Variants in TBC1D21 observed in about 807,000 individuals in gnomAD.
TBC1D21 encodes the protein male germ cell Rab GTPase-activating protein.
A neutral mutation model predicts 46.0 loss-of-function variants in TBC1D21; 38 were observed. The observed-to-expected ratio is 0.83, with a 90% CI of 0.64 to 1.08. The LOEUF (loss-of-function observed/expected upper bound fraction) is 1.08. Ranked by LOEUF, TBC1D21 falls within the 50% of genes least tolerant of loss-of-function variation. The pLI, the probability that TBC1D21 is intolerant of heterozygous loss-of-function variation, is 0.00. For synonymous variants in TBC1D21, 151 were observed against 157.2 expected, an observed-to-expected ratio of 0.96 and a Z score of 0.29; for missense variants, 415 against 417.9, an observed-to-expected ratio of 0.99 and a Z score of 0.06.
chr15:73,895,611 A>G, the TBC1D21 span, among the ~76,000 whole-genome samples: 2 of 152,240 alleles, frequency 1.3e-5, no homozygotes, highest in African/African-American at 4.8e-5. Context: ...TGCAGCATTC[A>G]GAGGCTGGGA....
In TBC1D21 at chr15:73,885,056, C is replaced by T. The variant is rs2068220318; in HGVS notation, c.532C>T (p.His178Tyr). 7 of 1,613,598 alleles carry T rather than the reference C, an allele frequency of 4.3e-6. No homozygotes were observed. The highest frequency in any genetic ancestry group is 5.9e-6 in the Non-Finnish European group (7 of 1,179,996). The change falls in exon 6 of 11, where the codon CAC (histidine) becomes TAC (tyrosine). Residue 178 changes from histidine to tyrosine, a missense_variant. By Grantham distance (83) the His-to-Tyr change is moderately conservative. Transcript: ENST00000300504. ...GATGCTCTTCCAGCTGATGGTGGAG[C>T]ACGACCACGAGACCTTCTGGCTTTT... ...MMMLFQLMVE[H>Y]DHETFWLFQF...
chr15:73,884,976 T>G, intron 5 of TBC1D21, 27 bp from the exon 6 acceptor site: 169 of 712,326 alleles, frequency 2.4e-4, no homozygotes, highest in Non-Finnish European at 3.4e-4. Context: ...ACCCAGCCCC[T>G]CCTCCCCAAC....
rs753261741 is a variant in TBC1D21 at position 73,884,825 on chromosome 15, G to A, written c.412G>A (p.Val138Ile). 40 of 1,613,998 alleles carry A rather than the reference G, an allele frequency of 2.5e-5. No individual in the cohort carries two copies. Among genetic ancestry groups the A allele is most frequent in the Middle Eastern group, 3.3e-4 (2 of 6,082 alleles). ...CTATGACAAAGATCCCCTGGGCAAC[G>A]TCCTCATCGACAAGAAGAGGCTAGA... ...KIYDKDPLGN[V>I]LIDKKRLEKI... Residue 138 changes from valine to isoleucine, a missense_variant, in exon 5 of 11, where the codon GTC becomes ATC. Transcript: ENST00000300504.
chr15:73,881,825 TC>T, intron 3 of TBC1D21, 78 bp downstream of exon 3: 3 of 1,295,758 alleles, frequency 2.3e-6, no homozygotes, highest in Non-Finnish European at 3.3e-6. Context: ...CTGCAGACTA[TC>T]TTCTGCCCCC....
intron 3 of TBC1D21, 82 bp downstream of exon 3, chr15:73,881,829 C>A: frequency 7.9e-7 from 1 of 1,260,126 alleles, no homozygotes; most frequent in Non-Finnish European, 1.1e-6. Context: ...AGACTATCTT[C>A]TGCCCCCATG....
At chr15:73,901,136 C>T in the TBC1D21 span, among the ~76,000 whole-genome samples, 2 of 152,210 alleles carry the variant, frequency 1.3e-5, no homozygotes, top group African/African-American at 4.8e-5. Flanking sequence ...GGATGCGTAG[C>T]TGTGCCTCCG....
In TBC1D21 at chr15:73,873,683, G is replaced by T; in HGVS notation, c.-27G>T. The stretch of plus-strand genomic sequence containing the variant: ...TAGGGCTCCAAGTGAGTTCTGATCA[G>T]AGGCTGTTCGGAAGACAGCAGGGGC... On this transcript the variant is annotated 5_prime_UTR_variant, in exon 1 of 11. Coordinates refer to ENST00000300504, the MANE Select transcript of TBC1D21 (RefSeq NM_153356.3). The T allele has an allele frequency of 6.3e-7, 1 of 1,590,914 alleles. No homozygotes were observed. The highest frequency in any genetic ancestry group is 8.6e-7 in the Non-Finnish European group (1 of 1,166,060).
At chr15:73,895,659 C>A in the TBC1D21 span, among the ~76,000 whole-genome samples, 6 of 152,156 alleles carry the variant, frequency 3.9e-5, no homozygotes, top group African/African-American at 1.4e-4. Flanking sequence ...ATTATGCAAA[C>A]AAGGGCAGCC....
intron 1 of TBC1D21, among the ~76,000 whole-genome samples, chr15:73,878,336 C>T (rs2068100113): frequency 6.6e-6 from 1 of 152,106 alleles, no homozygotes; most frequent in Non-Finnish European, 1.5e-5. Flanking sequence ...AGATTGGAGG[C>T]CACATTTGAT....
intron 8 of TBC1D21, among the ~76,000 whole-genome samples, chr15:73,887,178 G>T (rs902575205): frequency 6.6e-6 from 1 of 152,206 alleles, no homozygotes; most frequent in Non-Finnish European, 1.5e-5. Context: ...GGGCCCCACA[G>T]ATCTATTCCC....
At chr15:73,901,706 G>A in the TBC1D21 span, among the ~76,000 whole-genome samples, 3 of 152,106 alleles carry the variant, frequency 2.0e-5, no homozygotes, top group South Asian at 2.1e-4. Flanking sequence ...GCTAGTGGCC[G>A]CTTTCTCATG....
chr15:73,881,838 T>C (rs1452595881), intron 3 of TBC1D21, 91 bp downstream of exon 3: 2 of 1,165,546 alleles, frequency 1.7e-6, no homozygotes, highest in Admixed American at 1.9e-5. Context: ...TCTGCCCCCA[T>C]GCAACTTCTT....
chr15:73,879,473 C>G (rs1030267852), intron 1 of TBC1D21, among the ~76,000 whole-genome samples: 1 of 152,142 alleles, frequency 6.6e-6, no homozygotes, highest in Non-Finnish European at 1.5e-5. Context: ...CAGCTTGGGC[C>G]TTCCAAAGTG....
chr15:73,904,154 A>G, the TBC1D21 span, among the ~76,000 whole-genome samples: 2 of 152,228 alleles, frequency 1.3e-5, no homozygotes, highest in Non-Finnish European at 2.9e-5. Flanking sequence ...TCTAGAGGTC[A>G]GTGAGTCCTT....
intron 4 of TBC1D21, 92 bp downstream of exon 4, chr15:73,884,337 C>T (rs1318861292): frequency 1.6e-6 from 2 of 1,215,978 alleles, no homozygotes; most frequent in Non-Finnish European, 2.4e-6. Flanking sequence ...GGGATGGCTC[C>T]AGGATCCTGG....
the TBC1D21 span, among the ~76,000 whole-genome samples, chr15:73,907,918 C>T: frequency 1.3e-5 from 2 of 152,190 alleles, no homozygotes; most frequent in Non-Finnish European, 2.9e-5. Flanking sequence ...AGATGGAAAG[C>T]TTCTAGCCCA....
chr15:73,887,217 G>A (rs188356542), intron 8 of TBC1D21, among the ~76,000 whole-genome samples: 2 of 152,288 alleles, frequency 1.3e-5, no homozygotes, highest in East Asian at 3.9e-4. Context: ...TGGTCTCCAT[G>A]CCCAAGTCCA....
In TBC1D21 at chr15:73,885,083, C is replaced by T. The variant is rs1356757943; in HGVS notation, c.559C>T (p.Gln187Ter). 6.2e-7 allele frequency: 1 copy of T among 1,613,102 alleles called. No homozygotes were observed. Among genetic ancestry groups the T allele is most frequent in the East Asian group, 2.2e-5 (1 of 44,858 alleles). ...EHDHETFWLFQFFLQKTEHSC... is the reference protein window; with the variant it reads ...EHDHETFWLF ...CGACCACGAGACCTTCTGGCTTTTC[C>T]AGTTCTTCCTGCAGAAAACGGTGAG... is the stretch of plus-strand genomic sequence containing the variant. The change falls in exon 6 of 11, where the codon CAG becomes TAG. Residue 187 changes from glutamine to a stop codon, truncating the protein, a stop_gained. Transcript: ENST00000300504. LOFTEE classifies it high-confidence loss of function.
the TBC1D21 span, among the ~76,000 whole-genome samples, chr15:73,903,078 A>ATAGTCTC: frequency 6.6e-6 from 1 of 152,116 alleles, no homozygotes; most frequent in African/African-American, 2.4e-5. Flanking sequence ...AGAGTAGTCC[A>ATAGTCTC]TAGTCTCTGT....
Sources: gnomAD v4.1 joint callset for allele counts (sites outside exome capture counted in the v4.1 genomes callset) on GRCh38, gnomAD v4.1.1 for gene constraint, MANE v1.5 for transcripts, NCBI Gene and HGNC (gene_info 2026-07-23, HGNC 2026-07-21) for gene names.